The following TMTC2 variants were observed in gnomAD, a reference collection of about 807,000 sequenced individuals.
TMTC2 encodes the protein transmembrane O-mannosyltransferase targeting cadherins 2, also known as protein O-mannosyl-transferase TMTC2.
In TMTC2, 43 loss-of-function variants were observed where a neutral mutation model predicts 82.4. The observed-to-expected ratio is 0.52, with a 90% CI of 0.41 to 0.67. The LOEUF (loss-of-function observed/expected upper bound fraction) is 0.67, where lower values mean the gene tolerates loss of function less well. TMTC2 is among the 30% of genes least tolerant of loss of function. The pLI, the probability that TMTC2 is intolerant of heterozygous loss-of-function variation, is 0.00. For synonymous variants in TMTC2, 408 were observed against 381.9 expected (o/e 1.07, Z -0.80); for missense variants, 919 against 1,012.4 (o/e 0.91, Z 1.25).
In TMTC2 at chr12:82,691,435, A is replaced by G. The variant is rs138993327; in HGVS notation, c.83+3766A>G. Among the ~76,000 whole-genome samples the G allele has an allele frequency of 2.3e-3, 350 of 152,294 alleles. 2 individuals carry two copies. The highest frequency in any genetic ancestry group is 8.0e-3 in the African/African-American group (333 of 41,572). On this transcript the variant is annotated intron_variant, in intron 1 of 11. Coordinates refer to ENST00000321196, the MANE Select transcript of TMTC2 (RefSeq NM_152588.3). ...CTCCTAGTTAGCTTTTCATTTGGGTATAAATGGAAATCTCAGTTTTTATAA... is the reference window on the plus strand; with the variant it reads ...CTCCTAGTTAGCTTTTCATTTGGGTGTAAATGGAAATCTCAGTTTTTATAA...
chr12:82,975,920 G>A (rs200760060), intron 7 of TMTC2, among the ~76,000 whole-genome samples: 2 of 150,778 alleles, frequency 1.3e-5, no homozygotes, highest in East Asian at 2.0e-4. Flanking sequence ...ATGCTATTTA[G>A]CACTTCTTTG....
chr12:82,806,812 G>T (rs1287367410), intron 1 of TMTC2, among the ~76,000 whole-genome samples: 2 of 152,070 alleles, frequency 1.3e-5, no homozygotes, highest in Non-Finnish European at 2.9e-5. Context: ...AAGAAGAGGG[G>T]GGTTGGTCTT....
At chr12:82,796,194 G>A (rs1186564627) in intron 1 of TMTC2, among the ~76,000 whole-genome samples, 1 of 152,048 alleles carries the variant, frequency 6.6e-6, no homozygotes, top group Non-Finnish European at 1.5e-5. Flanking sequence ...TTTGTAGCCG[G>A]GACGACCTGG....
intron 3 of TMTC2, among the ~76,000 whole-genome samples, chr12:82,897,740 G>A (rs762584354): frequency 1.3e-4 from 19 of 151,860 alleles, no homozygotes; most frequent in Non-Finnish European, 2.4e-4. Flanking sequence ...TAGCCAGGCC[G>A]GTCTCAACTC....
intron 11 of TMTC2, among the ~76,000 whole-genome samples, chr12:83,112,677 C>T (rs1178732115): frequency 6.6e-6 from 1 of 152,166 alleles, no homozygotes; most frequent in Non-Finnish European, 1.5e-5. Flanking sequence ...GATCTTGCCT[C>T]TGGTTTCTTA....
intron 1 of TMTC2, among the ~76,000 whole-genome samples, chr12:82,816,132 C>T (rs1381796151): frequency 1.3e-5 from 2 of 148,508 alleles, no homozygotes; most frequent in Non-Finnish European, 1.5e-5. Flanking sequence ...TTTGTTGAGT[C>T]GAATGTGCTA....
intron 11 of TMTC2, among the ~76,000 whole-genome samples, chr12:83,109,787 T>C (rs772553098): frequency 5.3e-4 from 80 of 152,328 alleles, no homozygotes; most frequent in Middle Eastern, 3.4e-3. Flanking sequence ...TTGGCAAAAA[T>C]CAACACCCAG....
chr12:82,790,030 C>T lies in TMTC2; in HGVS notation c.84-66980C>T, dbSNP rs1022238875. ...GAGTTGGGGCAACATAGTGAGACCT[C>T]ATCTCTACAAAAACAGAAAAAATTA... On this transcript the variant is annotated intron_variant, in intron 1 of 11. Transcript: ENST00000321196. Among the ~76,000 whole-genome samples, 7 of 151,890 alleles carry T rather than the reference C, an allele frequency of 4.6e-5. No individual in the cohort carries two copies. In the East Asian group the frequency reaches 1.4e-3, roughly 29 times the overall value.
chr12:82,867,601 C>G (rs1871934568), intron 2 of TMTC2, among the ~76,000 whole-genome samples: 2 of 152,048 alleles, frequency 1.3e-5, no homozygotes, highest in African/African-American at 4.8e-5. Context: ...TATGCAATAT[C>G]AGTTGTGGAT....
At chr12:82,735,920 C>A (rs931931902) in intron 1 of TMTC2, among the ~76,000 whole-genome samples, 1 of 151,720 alleles carries the variant, frequency 6.6e-6, no homozygotes, top group South Asian at 2.1e-4. Context: ...TTGCAGTGAG[C>A]CAAGTTCATG....
At chr12:82,919,448 A>G (rs1473707330) in intron 3 of TMTC2, among the ~76,000 whole-genome samples, 1 of 152,136 alleles carries the variant, frequency 6.6e-6, no homozygotes, top group Admixed American at 6.5e-5. Context: ...ATAATGCAAA[A>G]ATACATTCAT....
intron 11 of TMTC2, among the ~76,000 whole-genome samples, chr12:83,103,646 C>T (rs559355340): frequency 6.7e-4 from 102 of 152,310 alleles, no homozygotes; most frequent in Admixed American, 6.5e-3. Flanking sequence ...TACATTTCAA[C>T]ATGAGATTTG....
At chr12:82,759,405 G>T (rs1876494731) in intron 1 of TMTC2, 1 of 152,180 alleles carries the variant, frequency 6.6e-6, no homozygotes, top group East Asian at 1.9e-4. Context: ...AGAGAGATAA[G>T]ATTCTAATTA....
At chr12:82,873,504 C>T (rs1259433875) in intron 2 of TMTC2, among the ~76,000 whole-genome samples, 1 of 151,872 alleles carries the variant, frequency 6.6e-6, no homozygotes, top group African/African-American at 2.4e-5. Context: ...ATTGTAGGTC[C>T]CTACATAATT....
rs188723690 is a variant in TMTC2 at position 82,931,775 on chromosome 12, C to T, written c.1598+1230C>T. The stretch of plus-strand genomic sequence containing the variant: ...TGTCTTTATAAACATAGATAGCATC[C>T]TTACTCTTCTCAATTTCAGAAGGAA... On this transcript the variant is annotated intron_variant, in intron 4 of 11. Coordinates refer to ENST00000321196, the MANE Select transcript of TMTC2 (RefSeq NM_152588.3). 3.8e-3 allele frequency among the ~76,000 whole-genome samples: 582 copies of T among 152,222 alleles called. 8 individuals carry two copies. The highest frequency in any genetic ancestry group is 0.014 in the African/African-American group (568 of 41,530).
At chr12:83,058,156 A>T (rs1209468608) in intron 10 of TMTC2, among the ~76,000 whole-genome samples, 4 of 151,894 alleles carry the variant, frequency 2.6e-5, no homozygotes, top group Non-Finnish European at 5.9e-5. Flanking sequence ...TATAAGAAAT[A>T]TATATATTTA....
At chr12:83,064,289 A>G (rs1160138742) in intron 11 of TMTC2, among the ~76,000 whole-genome samples, 1 of 151,936 alleles carries the variant, frequency 6.6e-6, no homozygotes, top group Non-Finnish European at 1.5e-5. Flanking sequence ...AGTTAATTTT[A>G]AAAGACTAAC....
In TMTC2 at chr12:83,110,401, C is replaced by A. The variant is rs143728713; in HGVS notation, c.2332-21809C>A. 6.7e-4 allele frequency among the ~76,000 whole-genome samples: 102 copies of A among 152,238 alleles called. No individual in the cohort carries two copies. In the Middle Eastern group the frequency reaches 0.014, roughly 20 times the overall value. ...TCTACTAAAATTGAAAAGCAAAAAACTTCTCAGGCTAATTCCTCCCTCTAG... is the reference window on the plus strand; with the variant it reads ...TCTACTAAAATTGAAAAGCAAAAAAATTCTCAGGCTAATTCCTCCCTCTAG... On this transcript the variant is annotated intron_variant, in intron 11 of 11. Transcript: ENST00000321196.
intron 4 of TMTC2, among the ~76,000 whole-genome samples, chr12:82,944,228 A>G (rs190065632): frequency 6.6e-6 from 1 of 152,308 alleles, no homozygotes; most frequent in East Asian, 1.9e-4. Flanking sequence ...ATGCATAAGA[A>G]TAAATGGAAG....
Sources: allele counts gnomAD v4.1 joint callset (sites outside exome capture counted in the v4.1 genomes callset), GRCh38; gene constraint gnomAD v4.1.1; transcripts MANE v1.5; gene names NCBI Gene and HGNC (gene_info 2026-07-23, HGNC 2026-07-21).